RAD23B: variants seen among roughly 807,000 people sequenced by gnomAD.
The protein encoded by RAD23B is RAD23 nucleotide excision repair protein B.
In RAD23B, 5 loss-of-function variants were observed where a neutral mutation model predicts 49.1. That is an observed-to-expected ratio of 0.10 (90% CI 0.05 to 0.21). The LOEUF (loss-of-function observed/expected upper bound fraction) is 0.21, where lower values mean the gene tolerates loss of function less well. Ranked by LOEUF, RAD23B falls within the 10% of genes least tolerant of loss-of-function variation. The probability of loss-of-function intolerance (pLI) is 1.00; values close to 1 mark genes in which losing one functional copy is unlikely to be tolerated. For missense variants in RAD23B, 356 were observed against 486.7 expected, an observed-to-expected ratio of 0.73 and a Z score of 2.53; for synonymous variants, 184 against 165.4, an observed-to-expected ratio of 1.11 and a Z score of -0.86.
intron 5 of RAD23B, among the ~76,000 whole-genome samples, chr9:107,313,519 C>T (rs551339073): frequency 6.6e-6 from 1 of 152,134 alleles, no homozygotes; most frequent in African/African-American, 2.4e-5. Context: ...CCACAGTGCC[C>T]GGCCAGTTAA....
intron 3 of RAD23B, among the ~76,000 whole-genome samples, 167 bp downstream of exon 3, chr9:107,302,281 AAT>A (rs1826670700): frequency 6.6e-6 from 1 of 152,318 alleles, no homozygotes; most frequent in Admixed American, 6.5e-5. Flanking sequence ...TAAAGTTATT[AAT>A]GTTTTACATT....
At chr9:107,284,847 T>G in intron 1 of RAD23B, 2 of 1,238,038 alleles carry the variant, frequency 1.6e-6, no homozygotes, top group Admixed American at 4.8e-5. Context: ...TTGGGCAAAT[T>G]ACGGTTAGTT....
chr9:107,289,730 C>G (rs1833345844), intron 1 of RAD23B, among the ~76,000 whole-genome samples: 1 of 152,150 alleles, frequency 6.6e-6, no homozygotes, highest in Non-Finnish European at 1.5e-5. Flanking sequence ...CCTTTTGGTC[C>G]TCTGCTGTAA....
Position 107,311,755 on chromosome 9 carries a change from C to CTTT in RAD23B, c.553+20_553+21insTTT, listed in dbSNP as rs773655594. On this transcript the variant is annotated intron_variant, in intron 5 of 9. Transcript: ENST00000358015. ...TGCACTTGGTAAGTATCTGCTTTTC[C>CTTT]TTATAAATAACCTATAAAGAGATAG... 9.1e-6 allele frequency: 14 copies of CTTT among 1,544,674 alleles called. No individual in the cohort carries two copies. Among genetic ancestry groups the CTTT allele is most frequent in the Non-Finnish European group, 1.2e-5 (14 of 1,149,172 alleles).
At chr9:107,326,356 C>T (rs1827201590) in intron 9 of RAD23B, among the ~76,000 whole-genome samples, 1 of 151,018 alleles carries the variant, frequency 6.6e-6, no homozygotes, top group Non-Finnish European at 1.5e-5. Context: ...TGGTGGGCGC[C>T]TGTAGTCCCA....
intron 6 of RAD23B, 144 bp downstream of exon 6, chr9:107,319,023 T>G (rs1827054315): frequency 2.6e-5 from 21 of 812,650 alleles, no homozygotes; most frequent in Non-Finnish European, 3.6e-5. Flanking sequence ...ATGTTTGTAT[T>G]TTGTGTTAAT....
chr9:107,290,933 A>G (rs926333238), intron 1 of RAD23B, among the ~76,000 whole-genome samples: 2 of 152,222 alleles, frequency 1.3e-5, no homozygotes, highest in East Asian at 3.8e-4. Context: ...ATTTAACCCT[A>G]CTGTGGCACA....
rs780887003 is a variant in RAD23B, at chr9:107,331,692, A to G, written c.*2036A>G. 2.7e-6 allele frequency: 2 copies of G among 753,546 alleles called. No homozygotes were observed. The highest frequency in any genetic ancestry group is 2.0e-5 in the Admixed American group (1 of 48,940). The allele number at this position is 753,546 out of a possible 1,614,324, so 46.7% of individuals were successfully genotyped here. A position where few individuals can be genotyped will look rare whatever the true frequency, so the allele number is the denominator to read the frequency against. On this transcript the variant is annotated 3_prime_UTR_variant, in exon 10 of 10. Coordinates refer to ENST00000358015, the MANE Select transcript of RAD23B (RefSeq NM_002874.5). ...AGATCATAGTGAAAACTGGAAACAAAAAAAAAAAACAGCCTCTTCTTGGAA... is the reference window on the plus strand; with the variant it reads ...AGATCATAGTGAAAACTGGAAACAAGAAAAAAAAACAGCCTCTTCTTGGAA...
At position 107,318,242 on chromosome 9, in the gene RAD23B, C is replaced by T. The variant is rs982435708; in HGVS notation, c.554-510C>T. ...GCTCACTGTACTAAAATCAGGGAGCCGGCATTCCTTTTTGGAGACTCCGGG... is the reference window on the plus strand; with the variant it reads ...GCTCACTGTACTAAAATCAGGGAGCTGGCATTCCTTTTTGGAGACTCCGGG... On this transcript the variant is annotated intron_variant, in intron 5 of 9. Coordinates refer to ENST00000358015, the MANE Select transcript of RAD23B (RefSeq NM_002874.5). The surrounding 1 kb of genome is among the most constrained non-coding windows in gnomAD (Gnocchi z 4.3). Among the ~76,000 whole-genome samples, 1 of 152,102 alleles carries T rather than the reference C, an allele frequency of 6.6e-6. No homozygotes were observed. Among genetic ancestry groups the T allele is most frequent in the African/African-American group, 2.4e-5 (1 of 41,390 alleles).
At chr9:107,312,974 C>T (rs1826919198) in intron 5 of RAD23B, among the ~76,000 whole-genome samples, 1 of 152,166 alleles carries the variant, frequency 6.6e-6, no homozygotes, top group Admixed American at 6.5e-5. Context: ...CCATTCTCAG[C>T]TTTATGGTCT....
chr9:107,330,270 A>C lies in RAD23B; in HGVS notation c.*614A>C, dbSNP rs976926355. 1 of 152,590 alleles carries C rather than the reference A, an allele frequency of 6.6e-6. No homozygotes were observed. The highest frequency in any genetic ancestry group is 1.5e-5 in the Non-Finnish European group (1 of 68,028). 9.5% of individuals were successfully genotyped at this position (152,590 alleles called of 1,614,324 possible). ...TCTTAAAATGAAAATAATTACTGCT[A>C]TTTTAAAATTTCTTGATCATTGAAT... On this transcript the variant is annotated 3_prime_UTR_variant, in exon 10 of 10. Transcript: ENST00000358015. The surrounding 1 kb of genome is among the most constrained non-coding windows in gnomAD (Gnocchi z 4.4).
At chr9:107,326,790 T>C (rs1827215133) in intron 9 of RAD23B, among the ~76,000 whole-genome samples, 1 of 151,496 alleles carries the variant, frequency 6.6e-6, no homozygotes. Flanking sequence ...CCCGCCACCA[T>C]GCCCGGCTAA....
intron 4 of RAD23B, among the ~76,000 whole-genome samples, chr9:107,308,276 T>G (rs1461027880): frequency 6.6e-6 from 1 of 151,326 alleles, no homozygotes; most frequent in East Asian, 2.0e-4. Context: ...AGGAGTGCAG[T>G]GGCGTGACCT....
chr9:107,308,423 T>C (rs760124460), intron 4 of RAD23B, among the ~76,000 whole-genome samples: 5 of 152,158 alleles, frequency 3.3e-5, no homozygotes, highest in Non-Finnish European at 7.4e-5. Flanking sequence ...TTCACCATGT[T>C]AGCCAGGCTG....
chr9:107,295,827 T>C (rs1232713960), intron 1 of RAD23B, among the ~76,000 whole-genome samples: 1 of 152,084 alleles, frequency 6.6e-6, no homozygotes, highest in East Asian at 1.9e-4. Flanking sequence ...ATTTTAGAGG[T>C]TGAGTACTGA....
chr9:107,294,913 G>C (rs1466215526), intron 1 of RAD23B, among the ~76,000 whole-genome samples: 1 of 152,182 alleles, frequency 6.6e-6, no homozygotes, highest in African/African-American at 2.4e-5. Context: ...AAAACCAAAA[G>C]TGTGGCATCC....
chr9:107,300,807 A>C (rs1318557257), intron 2 of RAD23B, among the ~76,000 whole-genome samples: 1 of 152,144 alleles, frequency 6.6e-6, no homozygotes, highest in African/African-American at 2.4e-5. Context: ...TTTAGAGAAA[A>C]TGCTTTCATT....
chr9:107,284,081 A>G (rs918722242), intron 1 of RAD23B: 1 of 1,010,290 alleles, frequency 9.9e-7, no homozygotes, highest in Non-Finnish European at 1.2e-6. Context: ...AGGCGTCGCC[A>G]CTACCCCTGT....
At chr9:107,297,105 G>C (rs1240011310) in intron 1 of RAD23B, among the ~76,000 whole-genome samples, 1 of 151,862 alleles carries the variant, frequency 6.6e-6, no homozygotes, top group Non-Finnish European at 1.5e-5. Context: ...GCCCGCCTTG[G>C]CCTCCCAAAG....
Sources: allele counts gnomAD v4.1 joint callset (sites outside exome capture counted in the v4.1 genomes callset), GRCh38; gene constraint gnomAD v4.1.1; non-coding constraint Gnocchi (gnomAD v3.1); transcripts MANE v1.5; gene names NCBI Gene and HGNC (gene_info 2026-07-23, HGNC 2026-07-21).